Variants in LSP1 observed in about 807,000 individuals in gnomAD.
The protein encoded by LSP1 is lymphocyte specific protein 1, also known as lymphocyte-specific protein 1.
LSP1 carries 32 observed loss-of-function variants against 49.3 expected under a neutral mutation model. The observed-to-expected ratio is 0.65, with a 90% CI of 0.49 to 0.87. LSP1 has a LOEUF of 0.87. Ranked by LOEUF, LSP1 falls within the 40% of genes least tolerant of loss-of-function variation. The probability of loss-of-function intolerance (pLI) is 0.00; values close to 1 mark genes in which losing one functional copy is unlikely to be tolerated. For missense variants in LSP1, 428 were observed against 442.6 expected, an observed-to-expected ratio of 0.97 and a Z score of 0.30; for synonymous variants, 179 against 178.8, an observed-to-expected ratio of 1.00 and a Z score of -0.01.
At chr11:1,890,568 G>T (rs746070051) in intron 10 of LSP1, 1 of 709,822 alleles carries the variant, frequency 1.4e-6, no homozygotes, top group Admixed American at 2.0e-5. Context: ...TGCCATCGAC[G>T]CAGCCGATAT....
chr11:1,870,213 G>A (rs1170463635), intron 1 of LSP1: 10 of 1,211,140 alleles, frequency 8.3e-6, no homozygotes, highest in Admixed American at 4.6e-5. Flanking sequence ...GGCCATGTGA[G>A]TCTCCCACGG....
intron 1 of LSP1, chr11:1,864,249 AGGTTGACGAGG>A (rs1396229274): frequency 3.0e-6 from 3 of 987,546 alleles, no homozygotes; most frequent in Non-Finnish European, 3.6e-6. Flanking sequence ...GGGAGGTGGC[AGGTTGACGAGG>A]GGCTGGACAA....
chr11:1,864,081 GGGAA>G (rs1171916767), intron 1 of LSP1: 1 of 609,924 alleles, frequency 1.6e-6, no homozygotes, highest in East Asian at 1.4e-4. Flanking sequence ...GGGAGGGGAG[GGGAA>G]GGGAGGGAGG....
At chr11:1,889,354 C>T (rs780716116) in intron 10 of LSP1, 1 of 712,564 alleles carries the variant, frequency 1.4e-6, no homozygotes, top group Non-Finnish European at 2.6e-6. Context: ...TGGGCCTCCG[C>T]CACTGACATG....
intron 3 of LSP1, 126 bp from the exon 4 acceptor site, chr11:1,883,293 C>T (rs1848622558): frequency 8.2e-7 from 1 of 1,212,584 alleles, no homozygotes; most frequent in Admixed American, 2.0e-5. Flanking sequence ...TCTCAGATCC[C>T]TTGGCACTCA....
intron 10 of LSP1, chr11:1,889,385 C>T (rs1289473786): frequency 2.8e-6 from 2 of 703,936 alleles, no homozygotes; most frequent in Non-Finnish European, 5.3e-6. Flanking sequence ...CGGCATCCCA[C>T]ATCCTGGAGG....
intron 1 of LSP1, among the ~76,000 whole-genome samples, chr11:1,865,458 C>T (rs938805851): frequency 1.3e-5 from 2 of 151,962 alleles, no homozygotes; most frequent in African/African-American, 4.8e-5. Context: ...TCTCTTCCTC[C>T]TGGCTCCTGG....
chr11:1,864,150 A>G (rs1224333671), intron 1 of LSP1: 68 of 977,898 alleles, frequency 7.0e-5, no homozygotes, highest in Non-Finnish European at 7.9e-5. Flanking sequence ...GGGAAAGGAG[A>G]GAGGAGAGAG....
intron 1 of LSP1, among the ~76,000 whole-genome samples, chr11:1,856,251 C>T (rs569242504): frequency 7.9e-5 from 12 of 152,350 alleles, no homozygotes; most frequent in African/African-American, 1.9e-4. Context: ...GTGTCTCCCA[C>T]GGAAAGAACC....
chr11:1,869,760 G>T (rs592373), intron 1 of LSP1: 1 of 468,766 alleles, frequency 2.1e-6, no homozygotes, highest in East Asian at 7.1e-5. Context: ...CAAGGAGAGG[G>T]CGGGCGAGGA....
At chr11:1,890,471 C>A (rs1444385691) in intron 10 of LSP1, 3 of 717,334 alleles carry the variant, frequency 4.2e-6, no homozygotes, top group Middle Eastern at 2.3e-4. Context: ...GGAGCTTCTG[C>A]AAACGCAAGT....
chr11:1,854,372 G>A (rs1258855691), intron 1 of LSP1, among the ~76,000 whole-genome samples: 1 of 152,094 alleles, frequency 6.6e-6, no homozygotes, highest in African/African-American at 2.4e-5. Context: ...TGACAGCAGA[G>A]GGTCCCGGTC....
At chr11:1,889,322 G>T in intron 10 of LSP1, 1 of 708,860 alleles carries the variant, frequency 1.4e-6, no homozygotes, top group South Asian at 1.5e-5. Context: ...GCTCCCCACC[G>T]CTGGGCCCTG....
chr11:1,881,555 G>C lies in LSP1; in HGVS notation c.315G>C (p.Glu105Asp), dbSNP rs778252754. 3.9e-6 allele frequency: 6 copies of C among 1,540,804 alleles called. No individual in the cohort carries two copies. Among genetic ancestry groups the C allele is most frequent in the Non-Finnish European group, 5.3e-6 (6 of 1,142,026 alleles). Residue 105 changes from glutamate to aspartate, a missense_variant, in exon 3 of 11, where the codon GAG becomes GAC. Physicochemically the swap from Glu to Asp is conservative, Grantham distance 45. Coordinates refer to ENST00000311604, the MANE Select transcript of LSP1 (RefSeq NM_002339.3). ...CGCAGGGCGCCTTGGACAGCGGAGA[G>C]CCCCCCCAGTGCAGGAGTCCTGAGG... Reference protein sequence around the residue: ...EGAQGALDSGEPPQCRSPEGE... With the variant: ...EGAQGALDSGDPPQCRSPEGE...
chr11:1,857,175 G>A (rs544804529), intron 1 of LSP1, among the ~76,000 whole-genome samples: 6 of 152,236 alleles, frequency 3.9e-5, no homozygotes, highest in East Asian at 3.9e-4. Context: ...TGGGCTGGTC[G>A]CACAAGTGGG....
intron 1 of LSP1, among the ~76,000 whole-genome samples, chr11:1,860,626 G>A (rs564374498): frequency 1.3e-5 from 2 of 152,232 alleles, no homozygotes; most frequent in South Asian, 4.1e-4. Flanking sequence ...CAAAGCATGT[G>A]GTACAAATAT....
At chr11:1,869,879 C>T (rs1847926235) in intron 1 of LSP1, 1 of 448,232 alleles carries the variant, frequency 2.2e-6, no homozygotes, top group Non-Finnish European at 4.6e-6. Context: ...GGACCCTCCA[C>T]TCACATTCAG....
chr11:1,889,694 G>A (rs1482400741), intron 10 of LSP1: 2 of 639,130 alleles, frequency 3.1e-6, no homozygotes, highest in Admixed American at 5.4e-5. Context: ...CAGCCATCGG[G>A]GGCTCCTCCA....
intron 1 of LSP1, among the ~76,000 whole-genome samples, chr11:1,855,657 G>A (rs552155988): frequency 2.0e-5 from 3 of 152,210 alleles, no homozygotes; most frequent in African/African-American, 4.8e-5. Flanking sequence ...GCTCCGCTTC[G>A]GCTACCAGCC....
Sources: allele counts gnomAD v4.1 joint callset (sites outside exome capture counted in the v4.1 genomes callset), GRCh38; gene constraint gnomAD v4.1.1; transcripts MANE v1.5; gene names NCBI Gene and HGNC (gene_info 2026-07-23, HGNC 2026-07-21).